ZNF423: variants seen among roughly 807,000 people sequenced by gnomAD.
ZNF423 encodes the protein zinc finger protein 423, also known as Ebf-associated zinc finger protein.
A neutral mutation model predicts 95.8 loss-of-function variants in ZNF423; 12 were observed. That is an observed-to-expected ratio of 0.13 (90% confidence interval 0.08 to 0.20). ZNF423 has a LOEUF of 0.20. Among genes scored for constraint, ZNF423 ranks in the 10% least tolerant of loss-of-function variants. The pLI is 1.00. For synonymous variants in ZNF423, 749 were observed against 711.9 expected (o/e 1.05, Z -0.83); for missense variants, 1,316 against 1,737.1 (o/e 0.76, Z 4.31).
chr16:49,845,754 G>A (rs752559508), intron 1 of ZNF423, among the ~76,000 whole-genome samples: 4 of 151,750 alleles, frequency 2.6e-5, no homozygotes, highest in Non-Finnish European at 5.9e-5. Flanking sequence ...ATGTTGCCCA[G>A]GCTGGTCTCG....
At chr16:49,824,430 C>T (rs1449644325) in intron 1 of ZNF423, among the ~76,000 whole-genome samples, 40 of 152,142 alleles carry the variant, frequency 2.6e-4, no homozygotes, top group Admixed American at 2.6e-3. Context: ...TTCCACCCTG[C>T]TTGCAACTTC....
chr16:49,559,957 C>G (rs1319483814), intron 5 of ZNF423, among the ~76,000 whole-genome samples: 1 of 152,198 alleles, frequency 6.6e-6, no homozygotes, highest in Non-Finnish European at 1.5e-5. Flanking sequence ...TGGTCTTTGG[C>G]TGTCTAAATG....
At chr16:49,548,266 A>G (rs921012994) in intron 5 of ZNF423, among the ~76,000 whole-genome samples, 2 of 152,220 alleles carry the variant, frequency 1.3e-5, no homozygotes, top group Non-Finnish European at 2.9e-5. Context: ...AAATTTATCA[A>G]CATTATTATA....
At chr16:49,828,723 T>G (rs906480667) in intron 1 of ZNF423, among the ~76,000 whole-genome samples, 1 of 152,236 alleles carries the variant, frequency 6.6e-6, no homozygotes, top group African/African-American at 2.4e-5. Flanking sequence ...AGGCGAGTCC[T>G]GTGTGGATCC....
intron 3 of ZNF423, among the ~76,000 whole-genome samples, chr16:49,663,420 T>A (rs1453883488): frequency 1.3e-5 from 2 of 150,356 alleles, no homozygotes; most frequent in East Asian, 2.0e-4. Context: ...CCCTACAGAA[T>A]CCATCAGGAA....
At position 49,636,822 on chromosome 16, in the gene ZNF423, G is replaced by A. The variant is rs781224575; in HGVS notation, c.2354C>T (p.Pro785Leu). Residue 785 changes from proline to leucine, a missense_variant, in exon 4 of 8, where the codon CCG becomes CTG. Coordinates refer to ENST00000563137, the MANE Select transcript of ZNF423 (RefSeq NM_001379286.1). The surrounding 1 kb of genome is among the most constrained non-coding windows in gnomAD (Gnocchi z 8.6). ...GAAGATGCACTTGTGAGCCTTGGCC[G>A]GGTTGCCCAGGTGGCTGTGTTTGAC... ...VHVKHSHLGN[P>L]AKAHKCIFCG... is the part of the protein sequence containing the mutation. The A allele has an allele frequency of 2.3e-5, 37 of 1,613,958 alleles. No homozygotes were observed. The Middle Eastern group carries it at 4.9e-4, about 22-fold the overall frequency.
intron 5 of ZNF423, among the ~76,000 whole-genome samples, chr16:49,584,384 CTG>C (rs1315531526): frequency 6.6e-6 from 1 of 152,184 alleles, no homozygotes; most frequent in East Asian, 1.9e-4. Context: ...TGTCCAAAAA[CTG>C]TGTTTTTCAA....
At chr16:49,602,376 C>A (rs543313454) in intron 5 of ZNF423, among the ~76,000 whole-genome samples, 3 of 152,314 alleles carry the variant, frequency 2.0e-5, no homozygotes, top group South Asian at 4.1e-4. Flanking sequence ...AAGAGTTTCA[C>A]CGTAGAAGAT....
intron 7 of ZNF423, among the ~76,000 whole-genome samples, chr16:49,519,155 A>T (rs1198083178): frequency 6.6e-6 from 1 of 152,216 alleles, no homozygotes; most frequent in Non-Finnish European, 1.5e-5. Flanking sequence ...GTACCAATGT[A>T]ACACATGACC....
Position 49,637,501 on chromosome 16 carries a change from G to A in ZNF423, c.1675C>T (p.Pro559Ser), listed in dbSNP as rs1972776458. Residue 559 changes from proline (P) to serine (S), a missense_variant, in exon 4 of 8, where the codon CCG becomes TCG. Pro to Ser is a moderately conservative substitution (Grantham distance 74). Transcript: ENST00000563137. The surrounding 1 kb of genome is among the most constrained non-coding windows in gnomAD (Gnocchi z 5.6). ...CSVGSAKLES[P>S]VVQPTQSFME... ...AAGGACTGCGTGGGCTGCACCACCG[G>A]AGACTCTAGTTTGGCACTGCCCACA... 1 of 1,614,120 alleles carries A rather than the reference G, an allele frequency of 6.2e-7. No individual in the cohort carries two copies. The highest frequency in any genetic ancestry group is 8.5e-7 in the Non-Finnish European group (1 of 1,180,030).
chr16:49,776,240 G>A (rs185611499), intron 2 of ZNF423, among the ~76,000 whole-genome samples: 22 of 152,336 alleles, frequency 1.4e-4, no homozygotes, highest in Admixed American at 1.1e-3. Flanking sequence ...CTGGAGCAGC[G>A]GTCACAGAAC....
chr16:49,751,684 A>G (rs2033635590), intron 2 of ZNF423, among the ~76,000 whole-genome samples: 1 of 152,206 alleles, frequency 6.6e-6, no homozygotes, highest in South Asian at 2.1e-4. Flanking sequence ...CTGATTTATT[A>G]AAGAGTAAAT....
intron 1 of ZNF423, among the ~76,000 whole-genome samples, chr16:49,819,998 T>C (rs1051484278): frequency 5.9e-5 from 9 of 151,670 alleles, no homozygotes; most frequent in Non-Finnish European, 1.2e-4. Context: ...AGGTTAGGAG[T>C]ATTATTAAAG....
chr16:49,700,920 G>A (rs2032158793), intron 3 of ZNF423, among the ~76,000 whole-genome samples: 1 of 152,202 alleles, frequency 6.6e-6, no homozygotes, highest in East Asian at 1.9e-4. Context: ...GGAGGGAGGA[G>A]GGAAGAGGGA....
intron 4 of ZNF423, among the ~76,000 whole-genome samples, chr16:49,631,177 C>T (rs1972481147): frequency 6.6e-6 from 1 of 152,204 alleles, no homozygotes; most frequent in Admixed American, 6.5e-5. Context: ...CCAGTACACA[C>T]ACCGGTACTC....
intron 7 of ZNF423, among the ~76,000 whole-genome samples, chr16:49,506,978 C>T (rs1031011891): frequency 3.9e-5 from 6 of 151,922 alleles, no homozygotes; most frequent in African/African-American, 1.5e-4. Context: ...AAGAGGAGTG[C>T]ATGAATAAAT....
At chr16:49,565,313 C>T (rs1452481555) in intron 5 of ZNF423, among the ~76,000 whole-genome samples, 1 of 152,198 alleles carries the variant, frequency 6.6e-6, no homozygotes, top group African/African-American at 2.4e-5. Flanking sequence ...AGGTTCCCCA[C>T]CCGAACAACC....
At chr16:49,504,812 G>A (rs1318313183) in intron 7 of ZNF423, among the ~76,000 whole-genome samples, 2 of 152,148 alleles carry the variant, frequency 1.3e-5, no homozygotes, top group Non-Finnish European at 2.9e-5. Context: ...GCCATCCACT[G>A]TTGTCTACAG....
chr16:49,826,463 C>T (rs1046796416), intron 1 of ZNF423, among the ~76,000 whole-genome samples: 2 of 152,200 alleles, frequency 1.3e-5, no homozygotes, highest in African/African-American at 4.8e-5. Flanking sequence ...AACCTTAACT[C>T]CTGCCCAGAG....
Sources: allele counts gnomAD v4.1 joint callset (sites outside exome capture counted in the v4.1 genomes callset), GRCh38; gene constraint gnomAD v4.1.1; non-coding constraint Gnocchi (gnomAD v3.1); transcripts MANE v1.5; gene names NCBI Gene and HGNC (gene_info 2026-07-23, HGNC 2026-07-21).